IGDCC4: variants seen among roughly 807,000 people sequenced by gnomAD.
The protein encoded by IGDCC4 is likely ortholog of mouse neighbor of Punc E11.
In IGDCC4, 72 loss-of-function variants were observed where a neutral mutation model predicts 116.6. That is an observed-to-expected ratio of 0.62 (90% CI 0.51 to 0.75). The LOEUF (loss-of-function observed/expected upper bound fraction) is 0.75, where lower values mean the gene tolerates loss of function less well. Among genes scored for constraint, IGDCC4 ranks in the 30% least tolerant of loss-of-function variants. The probability of loss-of-function intolerance (pLI) is 0.00; values close to 1 mark genes in which losing one functional copy is unlikely to be tolerated. For synonymous variants in IGDCC4, 709 were observed against 719.9 expected, an observed-to-expected ratio of 0.98 and a Z score of 0.24; for missense variants, 1,501 against 1,662.4, an observed-to-expected ratio of 0.90 and a Z score of 1.69.
rs140828138 is a variant in IGDCC4 at position 65,390,151 on chromosome 15, C to T, written c.2408+4G>A. 3.8e-4 allele frequency: 603 copies of T among 1,575,988 alleles called. 13 individuals are homozygous for T. In the East Asian group the frequency reaches 0.013, roughly 34 times the overall value. ...TTTACATTAGTAAAGGCATTAGTCC[C>T]CACCTGGTGTAATAGGTGACCAGGG... On this transcript the variant is annotated splice_donor_region_variant and intron_variant, in intron 13 of 19. Coordinates refer to ENST00000352385, the MANE Select transcript of IGDCC4 (RefSeq NM_020962.3).
At chr15:65,399,338 G>A (rs1457250951) in intron 5 of IGDCC4, among the ~76,000 whole-genome samples, 2 of 150,610 alleles carry the variant, frequency 1.3e-5, no homozygotes. Context: ...GCACATGCCT[G>A]TAGTCCCAGC....
At chr15:65,416,944 G>A (rs1595796480) in intron 1 of IGDCC4, among the ~76,000 whole-genome samples, 1 of 152,284 alleles carries the variant, frequency 6.6e-6, no homozygotes, top group South Asian at 2.1e-4. Context: ...CGTGGGATTA[G>A]TGGAGGCCTG....
At chr15:65,402,760 C>T (rs577037662) in intron 3 of IGDCC4, among the ~76,000 whole-genome samples, 104 of 151,884 alleles carry the variant, frequency 6.8e-4, no homozygotes, top group African/African-American at 2.2e-3. Context: ...CCAGCTACTC[C>T]GGAGGCTGAG....
At chr15:65,419,485 T>C (rs879304451) in intron 1 of IGDCC4, among the ~76,000 whole-genome samples, 5 of 152,168 alleles carry the variant, frequency 3.3e-5, no homozygotes, top group Non-Finnish European at 5.9e-5. Context: ...GTGTGTTTAA[T>C]TGAGTCATGA....
chr15:65,420,993 G>C (rs2063184703), intron 1 of IGDCC4, among the ~76,000 whole-genome samples: 1 of 152,138 alleles, frequency 6.6e-6, no homozygotes, highest in Admixed American at 6.5e-5. Flanking sequence ...TATAAAAGGT[G>C]CTCCATAAAT....
Position 65,396,232 on chromosome 15 carries a change from C to A in IGDCC4, c.998-69G>T, listed in dbSNP as rs752862858. 92 of 1,348,180 alleles carry A rather than the reference C, an allele frequency of 6.8e-5. No homozygotes were observed. In the African/African-American group the frequency reaches 1.3e-3, roughly 19 times the overall value. 83.5% of individuals were successfully genotyped at this position (1,348,180 alleles called of 1,614,324 possible). On this transcript the variant is annotated intron_variant, in intron 6 of 19. Transcript: ENST00000352385. ...AAGGTCTCTGCCCCCCCCCCAGTACCCCAAGCCTGCCCCCCACCGCCCTCC... is the reference window on the plus strand; with the variant it reads ...AAGGTCTCTGCCCCCCCCCCAGTACACCAAGCCTGCCCCCCACCGCCCTCC...
At position 65,397,668 on chromosome 15, in the gene IGDCC4, A is replaced by T. The variant is rs566002914; in HGVS notation, c.842-679T>A. Among the ~76,000 whole-genome samples, 34 of 140,610 alleles carry T rather than the reference A, an allele frequency of 2.4e-4. No homozygotes were observed. In the South Asian group the frequency reaches 7.2e-3, roughly 30 times the overall value. The allele number at this position is 140,610 out of a possible 152,430, so 92.2% of individuals were successfully genotyped here. A position where few individuals can be genotyped will look rare whatever the true frequency, so the allele number is the denominator to read the frequency against. ...AACATAGTGAGACTCCGTCTCTATA[A>T]AAAAAAAAAAAAAAAGATATTAAAA... On this transcript the variant is annotated intron_variant, in intron 5 of 19. Transcript: ENST00000352385.
At position 65,384,916 on chromosome 15, in the gene IGDCC4, T is replaced by C. The variant is rs759886572; in HGVS notation, c.3342+38A>G. 1.3e-6 allele frequency: 2 copies of C among 1,574,424 alleles called. No homozygotes were observed. Among genetic ancestry groups the C allele is most frequent in the African/African-American group, 1.6e-5 (1 of 61,042 alleles). ...TTCCTCTTCACAAGCACAGAGACCC[T>C]TTCCTCCTTTCCTGCCCCTTCCTTC... On this transcript the variant is annotated intron_variant, in intron 19 of 19. Coordinates refer to ENST00000352385, the MANE Select transcript of IGDCC4 (RefSeq NM_020962.3). The surrounding 1 kb of genome is among the most constrained non-coding windows in gnomAD (Gnocchi z 4.9).
chr15:65,395,738 A>AG lies in IGDCC4; in HGVS notation c.1411+11dup. On this transcript the variant is annotated intron_variant, in intron 7 of 19. Transcript: ENST00000352385. ...GGCCTGCGCTGGTGCATCCCGCCCC[A>AG]GGCCGACGTACCCCGTGCCTTCTGG... is the stretch of plus-strand genomic sequence containing the variant. 1 of 1,428,826 alleles carries AG rather than the reference A, an allele frequency of 7.0e-7. No individual in the cohort carries two copies. Among genetic ancestry groups the AG allele is most frequent in the South Asian group, 1.5e-5 (1 of 67,696 alleles). The allele number at this position is 1,428,826 out of a possible 1,614,324, so 88.5% of individuals were successfully genotyped here.
intron 11 of IGDCC4, 29 bp from the exon 12 acceptor site, chr15:65,392,010 A>AG: frequency 6.3e-7 from 1 of 1,584,338 alleles, no homozygotes; most frequent in East Asian, 2.3e-5. Context: ...CTTAATGGCT[A>AG]GGGGGACATC....
At chr15:65,389,129 G>A (rs1461283325) in intron 14 of IGDCC4, 151 bp from the exon 15 acceptor site, 1 of 1,159,248 alleles carries the variant, frequency 8.6e-7, no homozygotes, top group East Asian at 2.5e-5. Flanking sequence ...AACAGTATGT[G>A]TGGTTGGAGG....
At position 65,392,290 on chromosome 15, in the gene IGDCC4, T is replaced by C; in HGVS notation, c.1966A>G (p.Thr656Ala). The change falls in exon 11 of 20, where the codon ACC (threonine) becomes GCC (alanine). Residue 656 changes from threonine (T) to alanine (A), a missense_variant. Physicochemically the swap from Thr to Ala is moderately conservative, Grantham distance 58. Transcript: ENST00000352385. ...TATAGTTTGTAGCCAGAGATCTGGGTGGGGTGAGGGGGTGGCTGCCATGAC... is the reference window on the plus strand; with the variant it reads ...TATAGTTTGTAGCCAGAGATCTGGGCGGGGTGAGGGGGTGGCTGCCATGAC... ...VVSWQPPPHP[T>A]QISGYKLYWR... is the part of the protein sequence containing the mutation. 3 of 1,602,394 alleles carry C rather than the reference T, an allele frequency of 1.9e-6. No individual in the cohort carries two copies. The highest frequency in any genetic ancestry group is 2.2e-5 in the East Asian group (1 of 44,520).
rs2062913086 is a variant in IGDCC4, at chr15:65,395,328, A to G, written c.1412-70T>C. On this transcript the variant is annotated intron_variant, in intron 7 of 19. Transcript: ENST00000352385. The stretch of plus-strand genomic sequence containing the variant: ...CGTGCTGGCTAGCTGGAGTCTGTAT[A>G]GGAATCCTTCATATTGTCCTGGTGT... The G allele has an allele frequency of 2.0e-6, 3 of 1,486,536 alleles. No homozygotes were observed. The East Asian group carries it at 6.9e-5, about 34-fold the overall frequency. 92.1% of individuals were successfully genotyped at this position (1,486,536 alleles called of 1,614,324 possible).
Position 65,386,063 on chromosome 15 carries a change from G to C in IGDCC4, c.2952-4C>G. ...GGACAGGCCTGGGAGGGATTCCCTG[G>C]AAGGGAAGACGGAAAACAAGGCATA... On this transcript the variant is annotated splice_polypyrimidine_tract_variant and splice_region_variant and intron_variant, in intron 17 of 19. Transcript: ENST00000352385. The C allele has an allele frequency of 1.3e-6, 2 of 1,489,168 alleles. No homozygotes were observed. Among genetic ancestry groups the C allele is most frequent in the Non-Finnish European group, 1.8e-6 (2 of 1,118,502 alleles). 92.2% of individuals were successfully genotyped at this position (1,489,168 alleles called of 1,614,324 possible).
At chr15:65,413,283 C>T (rs2063115185) in intron 1 of IGDCC4, among the ~76,000 whole-genome samples, 1 of 152,104 alleles carries the variant, frequency 6.6e-6, no homozygotes, top group Non-Finnish European at 1.5e-5. Context: ...CCTGGCAGCC[C>T]ACAGCCTGGT....
chr15:65,396,937 T>C lies in IGDCC4; in HGVS notation c.894A>G (p.Leu298=), dbSNP rs764254083. The change falls in exon 6 of 20, where the codon CTA becomes CTG. Residue 298 remains leucine, a synonymous_variant. Transcript: ENST00000352385. Reference sequence around the variant, plus strand: ...AGTGCCAGGGCTGCGCGTTGGCAATTAGTAGGTTGGTGCGGCCCAGGACGA... The same window carrying C: ...AGTGCCAGGGCTGCGCGTTGGCAATCAGTAGGTTGGTGCGGCCCAGGACGA... ...DVIVLGRTNL[L]IANAQPWHSG... 8 of 1,577,004 alleles carry C rather than the reference T, an allele frequency of 5.1e-6. No individual in the cohort carries two copies. Among genetic ancestry groups the C allele is most frequent in the Non-Finnish European group, 6.9e-6 (8 of 1,160,968 alleles).
intron 3 of IGDCC4, among the ~76,000 whole-genome samples, chr15:65,407,075 T>C (rs1325966939): frequency 2.0e-5 from 3 of 152,160 alleles, no homozygotes; most frequent in Non-Finnish European, 4.4e-5. Flanking sequence ...CAGAGGCCTG[T>C]GTATCCTCCA....
chr15:65,417,649 G>A (rs1435132455), intron 1 of IGDCC4, among the ~76,000 whole-genome samples: 3 of 152,192 alleles, frequency 2.0e-5, no homozygotes, highest in African/African-American at 7.2e-5. Context: ...AGGTTGGAGT[G>A]CAGTGGCATG....
In IGDCC4 at chr15:65,393,428, T is replaced by C; in HGVS notation, c.1818A>G (p.Ala606=). 1 of 1,613,828 alleles carries C rather than the reference T, an allele frequency of 6.2e-7. No individual in the cohort carries two copies. Among genetic ancestry groups the C allele is most frequent in the Non-Finnish European group, 8.5e-7 (1 of 1,179,884 alleles). Residue 606 remains alanine, a synonymous_variant, in exon 10 of 20, where the codon GCA becomes GCG. Coordinates refer to ENST00000352385, the MANE Select transcript of IGDCC4 (RefSeq NM_020962.3). The surrounding 1 kb of genome is among the most constrained non-coding windows in gnomAD (Gnocchi z 4.6). ...VYRVRISAGT[A]AGFGAPSQWM... Reference sequence around the variant, plus strand: ...ACTGGGAGGGGGCCCCGAAGCCGGCTGCTGTACCAGCCGAAATCCGTACTC... The same window carrying C: ...ACTGGGAGGGGGCCCCGAAGCCGGCCGCTGTACCAGCCGAAATCCGTACTC...
Sources: gnomAD v4.1 joint callset for allele counts (sites outside exome capture counted in the v4.1 genomes callset) on GRCh38, gnomAD v4.1.1 for gene constraint, Gnocchi (gnomAD v3.1) non-coding constraint, MANE v1.5 for transcripts, NCBI Gene and HGNC (gene_info 2026-07-23, HGNC 2026-07-21) for gene names.